CAMK2D: variants seen among roughly 807,000 people sequenced by gnomAD.
The protein encoded by CAMK2D is calcium/calmodulin-dependent protein kinase type II subunit delta.
In CAMK2D, 37 loss-of-function variants were observed where a neutral mutation model predicts 84.0. That is an observed-to-expected ratio of 0.44 (90% confidence interval 0.34 to 0.58). The LOEUF is 0.58. Ranked by LOEUF, CAMK2D falls within the 20% of genes least tolerant of loss-of-function variation. The pLI is 0.02. For synonymous variants in CAMK2D, 202 were observed against 212.5 expected (o/e 0.95, Z 0.43); for missense variants, 448 against 652.5 (o/e 0.69, Z 3.41).
intron 14 of CAMK2D, 144 bp downstream of exon 14, chr4:113,504,831 CA>C (rs35574643): frequency 0.32 from 75,155 of 238,542 alleles, 2,857 homozygotes; most frequent in African/African-American, 0.34. Flanking sequence ...TCATAGAAAG[CA>C]AAAAAAAAAA....
At chr4:113,597,640 C>A (rs2154256800) in intron 4 of CAMK2D, among the ~76,000 whole-genome samples, 1 of 152,334 alleles carries the variant, frequency 6.6e-6, no homozygotes, top group South Asian at 2.1e-4. Context: ...GTCTTATCAT[C>A]TGTTTGCTAA....
intron 3 of CAMK2D, among the ~76,000 whole-genome samples, chr4:113,655,823 A>C (rs1015426370): frequency 6.6e-6 from 1 of 151,930 alleles, no homozygotes; most frequent in African/African-American, 2.4e-5. Flanking sequence ...TTGGACTCTT[A>C]TGGTTGAATT....
intron 4 of CAMK2D, among the ~76,000 whole-genome samples, chr4:113,553,175 C>T (rs1441915720): frequency 6.6e-6 from 1 of 152,158 alleles, no homozygotes; most frequent in Non-Finnish European, 1.5e-5. Context: ...AGCAATTCCC[C>T]TCCCAGTTTA....
At chr4:113,633,099 A>C (rs1205039170) in intron 3 of CAMK2D, among the ~76,000 whole-genome samples, 1 of 152,238 alleles carries the variant, frequency 6.6e-6, no homozygotes, top group African/African-American at 2.4e-5. Flanking sequence ...AAAATTTGCA[A>C]GTAAATCAAT....
rs77453466 is a variant in CAMK2D, at chr4:113,732,635, G to A, written c.160+26685C>T. Among the ~76,000 whole-genome samples, 114 of 152,164 alleles carry A rather than the reference G, an allele frequency of 7.5e-4. No homozygotes were observed. The East Asian group carries it at 0.016, about 22-fold the overall frequency. ...GCGTGCATGAATTCAAGACCTCTAG[G>A]AGTAATTCAATGATAAGAGTCCTGC... is the stretch of plus-strand genomic sequence containing the variant. On this transcript the variant is annotated intron_variant, in intron 2 of 20. Transcript: ENST00000511664.
chr4:113,511,084 T>C (rs555906252), intron 12 of CAMK2D, among the ~76,000 whole-genome samples: 2 of 152,260 alleles, frequency 1.3e-5, no homozygotes, highest in Non-Finnish European at 2.9e-5. Context: ...AATGTCCCTT[T>C]TGGTTACTAT....
At chr4:113,648,578 G>A (rs1409531615) in intron 3 of CAMK2D, among the ~76,000 whole-genome samples, 1 of 152,240 alleles carries the variant, frequency 6.6e-6, no homozygotes, top group Non-Finnish European at 1.5e-5. Context: ...TAAGAAGTGA[G>A]CTTTACTTTA....
chr4:113,736,382 T>C (rs1057505835), intron 2 of CAMK2D, among the ~76,000 whole-genome samples: 2 of 152,158 alleles, frequency 1.3e-5, no homozygotes, highest in African/African-American at 4.8e-5. Context: ...CAAAACTGTG[T>C]ATATCATACC....
intron 2 of CAMK2D, among the ~76,000 whole-genome samples, chr4:113,757,198 G>A (rs2149137085): frequency 6.6e-6 from 1 of 152,122 alleles, no homozygotes; most frequent in Middle Eastern, 3.4e-3. Context: ...GGCTGCCACT[G>A]GATTTATAAG....
intron 2 of CAMK2D, among the ~76,000 whole-genome samples, chr4:113,747,662 T>C (rs1243180581): frequency 6.6e-6 from 1 of 152,162 alleles, no homozygotes; most frequent in African/African-American, 2.4e-5. Flanking sequence ...CTTTATTTTC[T>C]ACTTAGTCAC....
Position 113,576,804 on chromosome 4 carries a change from C to T in CAMK2D, c.276-24708G>A, listed in dbSNP as rs2098785188. Among the ~76,000 whole-genome samples the T allele has an allele frequency of 2.0e-5, 3 of 152,186 alleles. No individual in the cohort carries two copies. The East Asian group carries it at 5.8e-4, about 29-fold the overall frequency. ...TTTTAATTTAGACGGTACCAACTGA[C>T]ATCCTGCCTTCAACAAAAGATGAAG... On this transcript the variant is annotated intron_variant, in intron 4 of 20. Transcript: ENST00000511664.
chr4:113,716,737 A>G (rs1003767448), intron 2 of CAMK2D, among the ~76,000 whole-genome samples: 3 of 152,110 alleles, frequency 2.0e-5, no homozygotes, highest in African/African-American at 7.2e-5. Context: ...ACTTAATAAA[A>G]TTACTGCATA....
At chr4:113,733,363 C>T (rs1593793418) in intron 2 of CAMK2D, among the ~76,000 whole-genome samples, 1 of 152,128 alleles carries the variant, frequency 6.6e-6, no homozygotes, top group East Asian at 1.9e-4. Flanking sequence ...TTTTAAAATG[C>T]CTAGGCATGA....
intron 5 of CAMK2D, among the ~76,000 whole-genome samples, chr4:113,550,057 CAGAAGATAA>C (rs2098613232): frequency 6.6e-6 from 1 of 152,086 alleles, no homozygotes; most frequent in Non-Finnish European, 1.5e-5. Context: ...TTGGGAATAA[CAGAAGATAA>C]AGAAGTAAAC....
chr4:113,480,106 T>TATG (rs1180228393), intron 16 of CAMK2D, among the ~76,000 whole-genome samples: 1 of 151,848 alleles, frequency 6.6e-6, no homozygotes, highest in Non-Finnish European at 1.5e-5. Context: ...GGACTACAGG[T>TATG]GCATGCCGCC....
intron 4 of CAMK2D, among the ~76,000 whole-genome samples, chr4:113,560,792 A>G (rs1342003398): frequency 6.6e-6 from 1 of 152,134 alleles, no homozygotes; most frequent in Non-Finnish European, 1.5e-5. Flanking sequence ...AATTCTTGCT[A>G]TTTCCCCTAT....
intron 2 of CAMK2D, among the ~76,000 whole-genome samples, chr4:113,731,682 T>C (rs1355573750): frequency 1.4e-5 from 2 of 148,062 alleles, no homozygotes. Flanking sequence ...GCCTCCCGGG[T>C]TCGAGTGATT....
intron 13 of CAMK2D, among the ~76,000 whole-genome samples, chr4:113,506,932 G>C (rs895537096): frequency 1.3e-5 from 2 of 150,716 alleles, no homozygotes; most frequent in East Asian, 1.9e-4. Context: ...TTCACACACA[G>C]ATACACAGCA....
intron 3 of CAMK2D, among the ~76,000 whole-genome samples, chr4:113,623,259 G>A (rs2099053882): frequency 1.3e-5 from 2 of 152,066 alleles, no homozygotes; most frequent in South Asian, 4.2e-4. Flanking sequence ...CATCTTGCTA[G>A]TTCTCTCATT....
Sources: gnomAD v4.1 joint callset for allele counts (sites outside exome capture counted in the v4.1 genomes callset) on GRCh38, gnomAD v4.1.1 for gene constraint, MANE v1.5 for transcripts, NCBI Gene and HGNC (gene_info 2026-07-23, HGNC 2026-07-21) for gene names.